The following PPP6R3 variants were observed in gnomAD, a reference collection of about 807,000 sequenced individuals.
PPP6R3 encodes the protein serine/threonine-protein phosphatase 6 regulatory subunit 3.
In PPP6R3, 38 loss-of-function variants were observed where a neutral mutation model predicts 110.7. The observed-to-expected ratio is 0.34, with a 90% CI of 0.26 to 0.45. PPP6R3 has a LOEUF of 0.45. Among genes scored for constraint, PPP6R3 ranks in the 20% least tolerant of loss-of-function variants. The pLI is 1.00. For synonymous variants in PPP6R3, 369 were observed against 373.5 expected, an observed-to-expected ratio of 0.99 and a Z score of 0.14; for missense variants, 870 against 1,062.4, an observed-to-expected ratio of 0.82 and a Z score of 2.52.
At chr11:68,495,174 T>G (rs2099008121) in intron 1 of PPP6R3, among the ~76,000 whole-genome samples, 1 of 152,208 alleles carries the variant, frequency 6.6e-6, no homozygotes. Flanking sequence ...TCTCTCCAGC[T>G]CAGATTATTT....
At chr11:68,550,792 C>G (rs2099367926) in intron 5 of PPP6R3, among the ~76,000 whole-genome samples, 1 of 152,168 alleles carries the variant, frequency 6.6e-6, no homozygotes, top group Admixed American at 6.5e-5. Flanking sequence ...TCTTAATCTC[C>G]CAGCCCTCTC....
chr11:68,579,595 T>G (rs752975295), intron 14 of PPP6R3, among the ~76,000 whole-genome samples: 2 of 152,222 alleles, frequency 1.3e-5, no homozygotes, highest in Non-Finnish European at 2.9e-5. Flanking sequence ...TAGACAAGAT[T>G]GGCAAAAATT....
intron 1 of PPP6R3, among the ~76,000 whole-genome samples, chr11:68,487,586 A>T (rs1415181851): frequency 6.6e-6 from 1 of 150,576 alleles, no homozygotes; most frequent in African/African-American, 2.4e-5. Context: ...AAAAAATTGT[A>T]TTTTTTTTTA....
chr11:68,540,986 A>G (rs990640010), intron 3 of PPP6R3, among the ~76,000 whole-genome samples: 1 of 152,196 alleles, frequency 6.6e-6, no homozygotes, highest in African/African-American at 2.4e-5. Context: ...AGTGACATAC[A>G]TCCTCCTCAA....
intron 14 of PPP6R3, among the ~76,000 whole-genome samples, chr11:68,580,496 G>C (rs912565445): frequency 1.3e-5 from 2 of 152,104 alleles, no homozygotes; most frequent in Non-Finnish European, 2.9e-5. Flanking sequence ...AACAGACTTG[G>C]TGAAGGGCGA....
chr11:68,501,006 T>C (rs1186632671), intron 1 of PPP6R3, among the ~76,000 whole-genome samples: 2 of 152,196 alleles, frequency 1.3e-5, no homozygotes, highest in Non-Finnish European at 2.9e-5. Flanking sequence ...TCATCTTGAG[T>C]GCATCACGCC....
At chr11:68,566,561 A>G (rs1463788096) in intron 9 of PPP6R3, among the ~76,000 whole-genome samples, 2 of 152,006 alleles carry the variant, frequency 1.3e-5, no homozygotes, top group African/African-American at 4.8e-5. Context: ...GGGTCTCACC[A>G]TATTGCCCAG....
chr11:68,465,634 CATTA>C (rs1342987876), intron 1 of PPP6R3, among the ~76,000 whole-genome samples: 3 of 152,190 alleles, frequency 2.0e-5, no homozygotes, highest in Non-Finnish European at 4.4e-5. Context: ...TCAGCAAATA[CATTA>C]ATTGAGTCCT....
chr11:68,494,645 T>C (rs1024299260), intron 1 of PPP6R3, among the ~76,000 whole-genome samples: 2 of 152,182 alleles, frequency 1.3e-5, no homozygotes, highest in African/African-American at 4.8e-5. Context: ...TCTTCTTGAC[T>C]GATTGCTTGA....
Position 68,472,870 on chromosome 11 carries a change from C to T in PPP6R3, c.-158+12043C>T, listed in dbSNP as rs138511786. Reference sequence around the variant, plus strand: ...GTCTTTTGGGACCAGCTTCTTTCAACTTAGCATGTTTTCAAGTTTCATCCA... The same window carrying T: ...GTCTTTTGGGACCAGCTTCTTTCAATTTAGCATGTTTTCAAGTTTCATCCA... On this transcript the variant is annotated intron_variant, in intron 1 of 23. Coordinates refer to ENST00000393800, the MANE Select transcript of PPP6R3 (RefSeq NM_001164161.2). 5.9e-5 allele frequency among the ~76,000 whole-genome samples: 9 copies of T among 152,280 alleles called. No homozygotes were observed. In the East Asian group the frequency reaches 1.5e-3, roughly 26 times the overall value.
intron 23 of PPP6R3, among the ~76,000 whole-genome samples, 164 bp downstream of exon 23, chr11:68,610,187 G>A (rs540635169): frequency 2.0e-5 from 3 of 151,720 alleles, no homozygotes; most frequent in South Asian, 2.1e-4. Context: ...AGCTGAGTCC[G>A]ACTGAGCTGA....
At chr11:68,493,333 C>T (rs1347397605) in intron 1 of PPP6R3, among the ~76,000 whole-genome samples, 1 of 152,050 alleles carries the variant, frequency 6.6e-6, no homozygotes, top group African/African-American at 2.4e-5. Flanking sequence ...ACATGTCTAG[C>T]CATTATCACT....
chr11:68,555,814 T>C (rs538300616), intron 7 of PPP6R3, among the ~76,000 whole-genome samples: 2 of 152,374 alleles, frequency 1.3e-5, no homozygotes, highest in African/African-American at 4.8e-5. Flanking sequence ...GATGAATCAA[T>C]GGCCCTGTTG....
At chr11:68,501,635 A>G (rs1193810587) in intron 1 of PPP6R3, among the ~76,000 whole-genome samples, 1 of 152,202 alleles carries the variant, frequency 6.6e-6, no homozygotes, top group East Asian at 1.9e-4. Flanking sequence ...CCTTCAAATT[A>G]TTTCTTAAAA....
chr11:68,535,441 A>G (rs2099264835), intron 2 of PPP6R3: 1 of 152,184 alleles, frequency 6.6e-6, no homozygotes, highest in Admixed American at 6.5e-5. Flanking sequence ...AGTCCTCCAC[A>G]TCGACTCCTC....
intron 7 of PPP6R3, 80 bp from the exon 8 acceptor site, chr11:68,558,486 T>A: frequency 2.3e-6 from 2 of 852,890 alleles, no homozygotes; most frequent in South Asian, 3.0e-5. Flanking sequence ...GTGATGCTTG[T>A]CTTGTACCGT....
At chr11:68,604,382 T>G (rs1938238318) in intron 22 of PPP6R3, among the ~76,000 whole-genome samples, 1 of 152,244 alleles carries the variant, frequency 6.6e-6, no homozygotes, top group Admixed American at 6.5e-5. Context: ...ATGATTTTCT[T>G]TGCAGCCTAG....
intron 6 of PPP6R3, among the ~76,000 whole-genome samples, chr11:68,553,376 C>T (rs2099388332): frequency 6.6e-6 from 1 of 151,884 alleles, no homozygotes; most frequent in Non-Finnish European, 1.5e-5. Context: ...TCACCGCCAC[C>T]TCTGCCTCCC....
intron 1 of PPP6R3, among the ~76,000 whole-genome samples, chr11:68,466,936 C>T (rs535527626): frequency 0.014 from 2,055 of 149,450 alleles, 55 homozygotes; most frequent in African/African-American, 0.048. Flanking sequence ...TTAGTAGAGA[C>T]GGGGTTTCAC....
Sources: gnomAD v4.1 joint callset for allele counts (sites outside exome capture counted in the v4.1 genomes callset) on GRCh38, gnomAD v4.1.1 for gene constraint, MANE v1.5 for transcripts, NCBI Gene and HGNC (gene_info 2026-07-23, HGNC 2026-07-21) for gene names.